The following TXNDC5 variants were observed in gnomAD, a reference collection of about 807,000 sequenced individuals.
TXNDC5 encodes thioredoxin domain-containing protein 5.
A neutral mutation model predicts 52.6 loss-of-function variants in TXNDC5; 44 were observed. The ratio of observed to expected loss-of-function variants is 0.84; its 90% CI spans 0.66 to 1.08. TXNDC5 has a LOEUF of 1.08. Among genes scored for constraint, TXNDC5 ranks in the 50% least tolerant of loss-of-function variants. The pLI is 0.00. For synonymous variants in TXNDC5, 241 were observed against 234.4 expected (o/e 1.03, Z -0.26); for missense variants, 600 against 565.5 (o/e 1.06, Z -0.62).
intron 6 of TXNDC5, chr6:7,889,223 T>G: frequency 2.1e-6 from 1 of 468,360 alleles, no homozygotes; most frequent in Non-Finnish European, 3.8e-6. Context: ...CCTGAAGGTT[T>G]GTGTTTACAA....
chr6:7,905,410 A>AG (rs1180123212), intron 1 of TXNDC5, among the ~76,000 whole-genome samples: 2 of 152,254 alleles, frequency 1.3e-5, no homozygotes, highest in Admixed American at 6.5e-5. Flanking sequence ...TCCAATGAGA[A>AG]GGGGAAAAAA....
rs572209015 is a variant in TXNDC5 at position 7,904,443 on chromosome 6, A to T, written c.413+131T>A. ...CTAAAACAGACACAGCATTAAATGC[A>T]GTTTCTCCCTAATGACAGGGACTGC... On this transcript the variant is annotated intron_variant, in intron 2 of 9. Transcript: ENST00000379757. 10 of 1,154,532 alleles carry T rather than the reference A, an allele frequency of 8.7e-6. No homozygotes were observed. In the East Asian group the frequency reaches 2.4e-4, roughly 27 times the overall value. 71.5% of individuals were successfully genotyped at this position (1,154,532 alleles called of 1,614,324 possible). A position where few individuals can be genotyped will look rare whatever the true frequency, so the allele number is the denominator to read the frequency against.
At chr6:7,895,581 A>C (rs1471514328) in intron 3 of TXNDC5, among the ~76,000 whole-genome samples, 1 of 152,238 alleles carries the variant, frequency 6.6e-6, no homozygotes, top group Non-Finnish European at 1.5e-5. Context: ...CAAAGAATAC[A>C]AAATACAACG....
chr6:7,883,082 G>C lies in TXNDC5; in HGVS notation c.*62C>G, dbSNP rs192509951. 1,144 of 1,609,346 alleles carry C rather than the reference G, an allele frequency of 7.1e-4. 8 individuals carry two copies. The African/African-American group carries it at 0.014, about 20-fold the overall frequency. On this transcript the variant is annotated 3_prime_UTR_variant, in exon 10 of 10. Coordinates refer to ENST00000379757, the MANE Select transcript of TXNDC5 (RefSeq NM_030810.5). ...ACTGGGAACCCAGTGGCCTCTGTGG[G>C]ACTGAACTCCTAAACGCAGGGTGCG...
At chr6:7,883,889 C>G (rs888888810) in intron 9 of TXNDC5, among the ~76,000 whole-genome samples, 7 of 152,170 alleles carry the variant, frequency 4.6e-5, no homozygotes, top group African/African-American at 1.7e-4. Context: ...AGTAGTTAAC[C>G]CAAGCACAGG....
At chr6:7,890,960 G>C (rs1363305958) in intron 5 of TXNDC5, among the ~76,000 whole-genome samples, 1 of 152,160 alleles carries the variant, frequency 6.6e-6, no homozygotes, top group Non-Finnish European at 1.5e-5. Context: ...TTCAGTCCTA[G>C]ACACGCAGCA....
intron 5 of TXNDC5, among the ~76,000 whole-genome samples, chr6:7,889,921 G>A (rs1760133029): frequency 6.6e-6 from 1 of 152,208 alleles, no homozygotes; most frequent in African/African-American, 2.4e-5. Flanking sequence ...TTTGGTGGTG[G>A]TGGGAGGGGG....
At chr6:7,901,869 T>G (rs1042995842) in intron 2 of TXNDC5, among the ~76,000 whole-genome samples, 5 of 152,236 alleles carry the variant, frequency 3.3e-5, no homozygotes, top group Admixed American at 3.3e-4. Flanking sequence ...AACTGTGTCC[T>G]GCAAGACAGA....
chr6:7,905,476 G>C (rs1561815603), intron 1 of TXNDC5, among the ~76,000 whole-genome samples: 1 of 152,162 alleles, frequency 6.6e-6, no homozygotes, highest in Non-Finnish European at 1.5e-5. Context: ...TCTATTCTTA[G>C]TATTCATTGT....
intron 9 of TXNDC5, among the ~76,000 whole-genome samples, 163 bp downstream of exon 9, chr6:7,884,196 A>G (rs1268443595): frequency 1.3e-5 from 2 of 152,118 alleles, no homozygotes; most frequent in East Asian, 3.9e-4. Flanking sequence ...CTTCCCTTTG[A>G]GAGAGGATCT....
At position 7,910,585 on chromosome 6, in the gene TXNDC5, G is replaced by A. The variant is rs1485903884; in HGVS notation, c.192C>T (p.His64=). 4.2e-6 allele frequency: 6 copies of A among 1,429,924 alleles called. No homozygotes were observed. In the African/African-American group the frequency reaches 6.0e-5, roughly 14 times the overall value. 88.6% of individuals were successfully genotyped at this position (1,429,924 alleles called of 1,614,324 possible). A position where few individuals can be genotyped will look rare whatever the true frequency, so the allele number is the denominator to read the frequency against. The change falls in exon 1 of 10, where the codon CAC becomes CAT. Residue 64 remains histidine, a synonymous_variant. Coordinates refer to ENST00000379757, the MANE Select transcript of TXNDC5 (RefSeq NM_030810.5). ...GCGTGAACATGTCGGCCGTGTACAG[G>A]TGCTTGCTGTGCGGGTCCTGTCCGT... ...GEDGQDPHSK[H]LYTADMFTHG... is the part of the protein sequence containing the mutation.
intron 9 of TXNDC5, 87 bp from the exon 10 acceptor site, chr6:7,883,353 C>A: frequency 6.3e-7 from 1 of 1,584,120 alleles, no homozygotes; most frequent in Non-Finnish European, 8.6e-7. Context: ...TACACTCCTA[C>A]CGTTGTGGCT....
intron 4 of TXNDC5, chr6:7,894,732 C>A: frequency 1.0e-6 from 1 of 985,400 alleles, no homozygotes; most frequent in South Asian, 4.7e-5. Flanking sequence ...CTAGACCTGC[C>A]AGATGCTGGG....
rs1433176231 is a variant in TXNDC5, at chr6:7,883,012, G to A, written c.*132C>T. 1.6e-6 allele frequency: 2 copies of A among 1,230,612 alleles called. No homozygotes were observed. The highest frequency in any genetic ancestry group is 2.3e-6 in the Non-Finnish European group (2 of 884,316). The allele number at this position is 1,230,612 out of a possible 1,614,324, so 76.2% of individuals were successfully genotyped here. A position where few individuals can be genotyped will look rare whatever the true frequency, so the allele number is the denominator to read the frequency against. ...TTGGCTTGGAAAACACACACACAAAGAAGATACCTCACGCTTAGTATGTTC... is the reference window on the plus strand; with the variant it reads ...TTGGCTTGGAAAACACACACACAAAAAAGATACCTCACGCTTAGTATGTTC... On this transcript the variant is annotated 3_prime_UTR_variant, in exon 10 of 10. Coordinates refer to ENST00000379757, the MANE Select transcript of TXNDC5 (RefSeq NM_030810.5).
chr6:7,890,735 T>C (rs1479122939), intron 5 of TXNDC5, among the ~76,000 whole-genome samples: 2 of 152,196 alleles, frequency 1.3e-5, no homozygotes, highest in Admixed American at 6.5e-5. Context: ...GTGATTACAA[T>C]TTACCAAGCA....
At chr6:7,900,548 T>C (rs956594831) in intron 2 of TXNDC5, among the ~76,000 whole-genome samples, 8 of 152,214 alleles carry the variant, frequency 5.3e-5, no homozygotes, top group East Asian at 1.9e-4. Flanking sequence ...AAATGCCCAA[T>C]GTACGGTATC....
intron 1 of TXNDC5, chr6:7,910,112 G>C (rs1760865608): frequency 1.0e-6 from 1 of 986,328 alleles, no homozygotes; most frequent in Non-Finnish European, 1.2e-6. Flanking sequence ...TTTCCCGGCT[G>C]TCCCCTAGGG....
intron 2 of TXNDC5, 114 bp downstream of exon 2, chr6:7,904,460 A>C: frequency 3.6e-6 from 5 of 1,372,320 alleles, no homozygotes; most frequent in Non-Finnish European, 5.0e-6. Flanking sequence ...CCCTAATGAC[A>C]GGGACTGCCT....
intron 9 of TXNDC5, among the ~76,000 whole-genome samples, chr6:7,883,531 A>C (rs1759845622): frequency 6.6e-6 from 1 of 152,216 alleles, no homozygotes; most frequent in Non-Finnish European, 1.5e-5. Flanking sequence ...AGACGCTTTC[A>C]GTCTTTACTG....
Sources: gnomAD v4.1 joint callset for allele counts (sites outside exome capture counted in the v4.1 genomes callset) on GRCh38, gnomAD v4.1.1 for gene constraint, MANE v1.5 for transcripts, NCBI Gene and HGNC (gene_info 2026-07-23, HGNC 2026-07-21) for gene names.